Variants in KDM5A observed in about 807,000 individuals in gnomAD.
KDM5A encodes lysine-specific demethylase 5A.
A neutral mutation model predicts 193.5 loss-of-function variants in KDM5A; 42 were observed. The observed-to-expected ratio is 0.22, with a 90% CI of 0.17 to 0.28. The LOEUF (loss-of-function observed/expected upper bound fraction) is 0.28. KDM5A is among the 10% of genes least tolerant of loss of function. KDM5A has a pLI of 1.00. For synonymous variants in KDM5A, 796 were observed against 718.1 expected, an observed-to-expected ratio of 1.11 and a Z score of -1.73; for missense variants, 1,692 against 2,055.1, an observed-to-expected ratio of 0.82 and a Z score of 3.42.
chr12:286,700 A>T (rs1314550779), intron 27 of KDM5A, among the ~76,000 whole-genome samples: 1 of 152,172 alleles, frequency 6.6e-6, no homozygotes, highest in Non-Finnish European at 1.5e-5. Flanking sequence ...GGCTAGGTAA[A>T]TGAGTTTCAT....
rs998829796 is a variant in KDM5A at position 364,350 on chromosome 12, T to A, written c.538-1253A>T. 5.3e-5 allele frequency among the ~76,000 whole-genome samples: 8 copies of A among 152,106 alleles called. No individual in the cohort carries two copies. In the East Asian group the frequency reaches 1.5e-3, roughly 29 times the overall value. On this transcript the variant is annotated intron_variant, in intron 4 of 27. Coordinates refer to ENST00000399788, the MANE Select transcript of KDM5A (RefSeq NM_001042603.3). ...AGCTGGGGGTGGTGGCATGCACCTG[T>A]AGTCTCAACTACTCTACTCAGGAGG...
At chr12:293,791 G>C (rs867834058) in intron 26 of KDM5A, among the ~76,000 whole-genome samples, 3 of 118,146 alleles carry the variant, frequency 2.5e-5, no homozygotes, top group South Asian at 4.2e-4. Context: ...AAAAAAAAGG[G>C]GGGGGGGGGG....
chr12:379,264 A>G (rs1230249904), intron 3 of KDM5A, among the ~76,000 whole-genome samples: 1 of 151,968 alleles, frequency 6.6e-6, no homozygotes, highest in African/African-American at 2.4e-5. Flanking sequence ...AAACATCTCA[A>G]CTCTCAGTAT....
chr12:388,555 G>A (rs1944677132), intron 1 of KDM5A: 4 of 368,634 alleles, frequency 1.1e-5, no homozygotes, highest in Non-Finnish European at 2.1e-5. Flanking sequence ...GATCCAACCA[G>A]GTCTTGAATA....
Position 350,611 on chromosome 12 carries a change from A to T in KDM5A, c.1308+10T>A. 1.2e-6 allele frequency: 2 copies of T among 1,613,940 alleles called. No homozygotes were observed. The highest frequency in any genetic ancestry group is 1.7e-6 in the Non-Finnish European group (2 of 1,179,886). On this transcript the variant is annotated intron_variant, in intron 10 of 27. Transcript: ENST00000399788. ...CTTGGGGGTAAGCAAAAGTTTGGAT[A>T]AATCTGCACCTCTTCTTCTGGCAGA...
At chr12:385,266 A>C (rs941162759) in intron 2 of KDM5A, among the ~76,000 whole-genome samples, 1 of 151,964 alleles carries the variant, frequency 6.6e-6, no homozygotes, top group Non-Finnish European at 1.5e-5. Context: ...TGACATAATA[A>C]ACCTTTGCTA....
rs199497860 is a variant in KDM5A, at chr12:328,964, G to A, written c.1839C>T (p.His613=). The A allele has an allele frequency of 1.4e-5, 23 of 1,614,172 alleles. No homozygotes were observed. In the East Asian group the frequency reaches 2.0e-4, roughly 14 times the overall value. Reference sequence around the variant, plus strand: ...CTGCCATCTTGAAAATTAGTTCCTCGTGTGAAAAGACACAGTGGCGCCTTA... The same window carrying A: ...CTGCCATCTTGAAAATTAGTTCCTCATGTGAAAAGACACAGTGGCGCCTTA... The part of the protein sequence containing the change: ...RRLRRHCVFS[H]EELIFKMAAD... The change falls in exon 14 of 28, where the codon CAC becomes CAT. Residue 613 remains histidine, a synonymous_variant. Coordinates refer to ENST00000399788, the MANE Select transcript of KDM5A (RefSeq NM_001042603.3).
rs974405116 is a variant in KDM5A, at chr12:285,177, G to C, written c.*279C>G. The C allele has an allele frequency of 1.9e-6, 1 of 517,876 alleles. No individual in the cohort carries two copies. The highest frequency in any genetic ancestry group is 1.9e-5 in the African/African-American group (1 of 52,588). The allele number at this position is 517,876 out of a possible 1,614,324, so 32.1% of individuals were successfully genotyped here. A position where few individuals can be genotyped will look rare whatever the true frequency, so the allele number is the denominator to read the frequency against. On this transcript the variant is annotated 3_prime_UTR_variant, in exon 28 of 28. Coordinates refer to ENST00000399788, the MANE Select transcript of KDM5A (RefSeq NM_001042603.3). ...ATTAATACTAACCAGCCACCCTAGA[G>C]CTCAATTAAGCATCTGGCCTTAATG...
chr12:302,526 T>C (rs1943455856), intron 24 of KDM5A, among the ~76,000 whole-genome samples: 1 of 152,184 alleles, frequency 6.6e-6, no homozygotes, highest in African/African-American at 2.4e-5. Context: ...TAACTCAAGA[T>C]GGATTAAAGA....
At chr12:293,980 T>C (rs1209013732) in intron 26 of KDM5A, among the ~76,000 whole-genome samples, 1 of 152,164 alleles carries the variant, frequency 6.6e-6, no homozygotes, top group Non-Finnish European at 1.5e-5. Flanking sequence ...TAACAGTCTG[T>C]AGCATCTCTG....
At chr12:346,166 G>A (rs962787225) in intron 10 of KDM5A, among the ~76,000 whole-genome samples, 11 of 152,278 alleles carry the variant, frequency 7.2e-5, no homozygotes, top group Middle Eastern at 3.4e-3. Flanking sequence ...AGAAAATCTA[G>A]AAGAAATGGA....
At chr12:339,277 A>C (rs925423380) in intron 10 of KDM5A, among the ~76,000 whole-genome samples, 2 of 152,206 alleles carry the variant, frequency 1.3e-5, no homozygotes, top group Non-Finnish European at 2.9e-5. Context: ...ATTCCCAGTG[A>C]AAAGCTGGTA....
rs1276627994 is a variant in KDM5A, at chr12:282,742, A to C, written c.*2714T>G. ...GCAGTTTAGAGGAGATAAGGGTAGA[A>C]AGACATTTTAAATCATGTCTTAATA... On this transcript the variant is annotated 3_prime_UTR_variant, in exon 28 of 28. Transcript: ENST00000399788. The C allele has an allele frequency of 2.6e-5, 6 of 232,656 alleles. No homozygotes were observed. Among genetic ancestry groups the C allele is most frequent in the African/African-American group, 1.3e-4 (6 of 45,326 alleles). 14.4% of individuals were successfully genotyped at this position (232,656 alleles called of 1,614,324 possible).
At position 358,224 on chromosome 12, in the gene KDM5A, T is replaced by C. The variant is rs557489485; in HGVS notation, c.673-1687A>G. On this transcript the variant is annotated intron_variant, in intron 5 of 27. Coordinates refer to ENST00000399788, the MANE Select transcript of KDM5A (RefSeq NM_001042603.3). ...ATAGACTAATAGCCAAAATTTATTT[T>C]AAATGTGTAAATAAAGAATAAGCAT... 1.1e-3 allele frequency among the ~76,000 whole-genome samples: 170 copies of C among 152,326 alleles called. 2 individuals carry two copies. Among genetic ancestry groups the C allele is most frequent in the Non-Finnish European group, 1.3e-3 (87 of 68,024 alleles).
At chr12:316,683 C>T (rs541813183) in intron 19 of KDM5A, among the ~76,000 whole-genome samples, 19 of 152,300 alleles carry the variant, frequency 1.2e-4, no homozygotes, top group African/African-American at 4.1e-4. Context: ...TTCCCACCTC[C>T]TGGAACTGTC....
chr12:330,056 T>A (rs879649279), intron 13 of KDM5A, among the ~76,000 whole-genome samples: 10 of 114,570 alleles, frequency 8.7e-5, no homozygotes, highest in Admixed American at 8.3e-4. Flanking sequence ...AAGGAAAAAG[T>A]GTGTGTGTGT....
chr12:286,849 T>C (rs1209781307), intron 27 of KDM5A, among the ~76,000 whole-genome samples: 3 of 152,176 alleles, frequency 2.0e-5, no homozygotes, highest in African/African-American at 7.2e-5. Flanking sequence ...TTCTACTTGT[T>C]TTGTTCCTAT....
chr12:374,116 T>A (rs1262831606), intron 3 of KDM5A, among the ~76,000 whole-genome samples: 2 of 152,140 alleles, frequency 1.3e-5, no homozygotes, highest in African/African-American at 4.8e-5. Flanking sequence ...GCAGAGCTGA[T>A]TTCAATTCCT....
In KDM5A at chr12:318,305, G is replaced by A. The variant is rs1943673422; in HGVS notation, c.2698C>T (p.Gln900Ter). 1 of 1,614,032 alleles carries A rather than the reference G, an allele frequency of 6.2e-7. No homozygotes were observed. The highest frequency in any genetic ancestry group is 1.3e-5 in the African/African-American group (1 of 74,898). Residue 900 changes from glutamine to a stop codon, truncating the protein, a stop_gained, in exon 19 of 28, where the codon CAG (glutamine) becomes TAG (stop). Transcript: ENST00000399788. LOFTEE classifies it high-confidence loss of function. Reference protein sequence around the residue: ...ELPRLKQELQQARWLDEVRLT... With the variant: ...ELPRLKQELQ Reference sequence around the variant, plus strand: ...CTTACTTCGTCCAACCACCGAGCCTGTTGTAGCTCTTGCTTCAGTCGTGGT... The same window carrying A: ...CTTACTTCGTCCAACCACCGAGCCTATTGTAGCTCTTGCTTCAGTCGTGGT...
Sources: gnomAD v4.1 joint callset for allele counts (sites outside exome capture counted in the v4.1 genomes callset) on GRCh38, gnomAD v4.1.1 for gene constraint, MANE v1.5 for transcripts, NCBI Gene and HGNC (gene_info 2026-07-23, HGNC 2026-07-21) for gene names.